The following SPECC1 variants were observed in gnomAD, a reference collection of about 807,000 sequenced individuals.
SPECC1 encodes cytospin-B.
In SPECC1, 62 loss-of-function variants were observed where a neutral mutation model predicts 104.1. The observed-to-expected ratio is 0.60, with a 90% confidence interval of 0.49 to 0.74. The LOEUF is 0.74. Among genes scored for constraint, SPECC1 ranks in the 30% least tolerant of loss-of-function variants. The probability of loss-of-function intolerance (pLI) is 0.00; values close to 1 mark genes in which losing one functional copy is unlikely to be tolerated. For synonymous variants in SPECC1, 513 were observed against 501.6 expected, an observed-to-expected ratio of 1.02 and a Z score of -0.30; for missense variants, 1,306 against 1,310.5, an observed-to-expected ratio of 1.00 and a Z score of 0.05.
At chr17:20,304,962 C>T (rs1007625860) in intron 13 of SPECC1, among the ~76,000 whole-genome samples, 1 of 151,878 alleles carries the variant, frequency 6.6e-6, no homozygotes, top group Non-Finnish European at 1.5e-5. Context: ...TAAGGAAAAC[C>T]CCAAACAAGC....
At chr17:20,194,046 A>G (rs984223857) in intron 3 of SPECC1, among the ~76,000 whole-genome samples, 1 of 152,366 alleles carries the variant, frequency 6.6e-6, no homozygotes, top group Admixed American at 6.5e-5. Flanking sequence ...CATTTTTACG[A>G]AAGACAAATT....
chr17:20,089,841 T>C (rs2047328513), intron 1 of SPECC1, among the ~76,000 whole-genome samples: 1 of 152,034 alleles, frequency 6.6e-6, no homozygotes. Context: ...ATTTGAGAAA[T>C]GGGCGCCCTA....
chr17:20,069,871 G>A (rs2046485665), intron 1 of SPECC1, among the ~76,000 whole-genome samples: 1 of 151,646 alleles, frequency 6.6e-6, no homozygotes, highest in Non-Finnish European at 1.5e-5. Context: ...TATTCTTTTT[G>A]ATACTACTAT....
At chr17:20,201,955 A>T (rs958787336) in intron 3 of SPECC1, among the ~76,000 whole-genome samples, 1 of 152,230 alleles carries the variant, frequency 6.6e-6, no homozygotes, top group Non-Finnish European at 1.5e-5. Flanking sequence ...CAATTGAGAA[A>T]AAGTTACATA....
intron 3 of SPECC1, among the ~76,000 whole-genome samples, chr17:20,124,158 T>G (rs2152539571): frequency 6.6e-6 from 1 of 151,300 alleles, no homozygotes; most frequent in East Asian, 1.9e-4. Context: ...GGTGGGGATG[T>G]GTAGATGGCA....
intron 1 of SPECC1, among the ~76,000 whole-genome samples, chr17:20,094,120 A>G (rs2047534631): frequency 1.3e-5 from 2 of 152,246 alleles, no homozygotes; most frequent in South Asian, 4.1e-4. Flanking sequence ...CTTGCCCAGG[A>G]AAACAATGAT....
chr17:20,090,387 T>C (rs1295187076), intron 1 of SPECC1, among the ~76,000 whole-genome samples: 1 of 152,142 alleles, frequency 6.6e-6, no homozygotes, highest in East Asian at 1.9e-4. Context: ...CCCACACCTT[T>C]GTAAACACTT....
Position 20,316,047 on chromosome 17 carries a change from C to T in SPECC1, c.*1982C>T. On this transcript the variant is annotated 3_prime_UTR_variant, in exon 15 of 15. Transcript: ENST00000395527. ...CAGGCAGCCTGCGGGAGCTCCTGAG[C>T]AGCTGTTGGGCGATGGTCATTACAT... 4.3e-6 allele frequency: 1 copy of T among 232,728 alleles called. No homozygotes were observed. Among genetic ancestry groups the T allele is most frequent in the East Asian group, 6.1e-5 (1 of 16,504 alleles). The allele number at this position is 232,728 out of a possible 1,614,324, so 14.4% of individuals were successfully genotyped here. A position where few individuals can be genotyped will look rare whatever the true frequency, so the allele number is the denominator to read the frequency against.
rs565900585 is a variant in SPECC1 at position 20,093,951 on chromosome 17, G to C, written c.-21-2680G>C. On this transcript the variant is annotated intron_variant, in intron 1 of 14. Coordinates refer to ENST00000395527, the MANE Select transcript of SPECC1 (RefSeq NM_001243439.2). Reference sequence around the variant, plus strand: ...TCACCATGTTGCCCAGGCTGGTCTCGAACTCCTGAGCACAGGCAGTCCATC... The same window carrying C: ...TCACCATGTTGCCCAGGCTGGTCTCCAACTCCTGAGCACAGGCAGTCCATC... 2.6e-5 allele frequency among the ~76,000 whole-genome samples: 4 copies of C among 151,754 alleles called. No individual in the cohort carries two copies. The South Asian group carries it at 6.2e-4, about 24-fold the overall frequency.
rs1414310277 is a variant in SPECC1, at chr17:20,237,665, C to A, written c.2351+5260C>A. ...GTTCATTTCTCTGCTTCCTTTTGAT[C>A]GTGGTGTCTGATCATCTTGGAATTC... On this transcript the variant is annotated intron_variant, in intron 7 of 14. Coordinates refer to ENST00000395527, the MANE Select transcript of SPECC1 (RefSeq NM_001243439.2). 6.1e-5 allele frequency: 12 copies of A among 196,160 alleles called. No individual in the cohort carries two copies. In the East Asian group the frequency reaches 8.7e-4, roughly 14 times the overall value. 12.2% of individuals were successfully genotyped at this position (196,160 alleles called of 1,614,324 possible). A position where few individuals can be genotyped will look rare whatever the true frequency, so the allele number is the denominator to read the frequency against.
At position 20,318,433 on chromosome 17, in the gene SPECC1, G is replaced by GT. The variant is rs2042066405; in HGVS notation, c.*4369dup. Reference sequence around the variant, plus strand: ...TAGAGACCAACCCAAGTAGATGCAGGTGGGTGTTAGATAAAAACACACATC... The same window carrying GT: ...TAGAGACCAACCCAAGTAGATGCAGGTTGGGTGTTAGATAAAAACACACATC... On this transcript the variant is annotated 3_prime_UTR_variant, in exon 15 of 15. Transcript: ENST00000395527. The GT allele has an allele frequency of 1.3e-5, 3 of 231,564 alleles. No homozygotes were observed. The East Asian group carries it at 1.8e-4, about 14-fold the overall frequency. The allele number at this position is 231,564 out of a possible 1,614,324, so 14.3% of individuals were successfully genotyped here. A position where few individuals can be genotyped will look rare whatever the true frequency, so the allele number is the denominator to read the frequency against.
At chr17:20,193,454 A>G (rs1004083594) in intron 3 of SPECC1, among the ~76,000 whole-genome samples, 3 of 152,134 alleles carry the variant, frequency 2.0e-5, no homozygotes, top group Admixed American at 1.3e-4. Context: ...GCTTAATCCT[A>G]AGGGTTGCGG....
chr17:20,128,100 G>T (rs1206086718), intron 3 of SPECC1, among the ~76,000 whole-genome samples: 1 of 152,340 alleles, frequency 6.6e-6, no homozygotes, highest in Admixed American at 6.5e-5. Context: ...ATATCAGTGT[G>T]TAAGTGCTGG....
intron 3 of SPECC1, among the ~76,000 whole-genome samples, chr17:20,203,870 G>C (rs1451339661): frequency 6.6e-6 from 1 of 152,196 alleles, no homozygotes; most frequent in Non-Finnish European, 1.5e-5. Flanking sequence ...GGGTTGATTT[G>C]ATTTAGCAAC....
At chr17:20,237,102 T>C in intron 7 of SPECC1, 1 of 1,402,444 alleles carries the variant, frequency 7.1e-7, no homozygotes, top group East Asian at 2.6e-5. Context: ...AAGATGATGT[T>C]TCCCTCTTTT....
intron 4 of SPECC1, among the ~76,000 whole-genome samples, chr17:20,207,055 G>A (rs1040870827): frequency 6.6e-6 from 1 of 152,192 alleles, no homozygotes; most frequent in African/African-American, 2.4e-5. Flanking sequence ...TGCTGGAGAG[G>A]TGCAGAGAGA....
At chr17:20,112,885 G>C (rs1255724372) in intron 3 of SPECC1, 41 of 1,576,676 alleles carry the variant, frequency 2.6e-5, no homozygotes, top group Non-Finnish European at 3.2e-5. Flanking sequence ...ATTGTGATCT[G>C]TCTGGGTGTG....
chr17:20,253,472 C>T lies in SPECC1; in HGVS notation c.2599-33C>T, dbSNP rs140276598. 13 of 1,609,116 alleles carry T rather than the reference C, an allele frequency of 8.1e-6. No individual in the cohort carries two copies. The East Asian group carries it at 2.9e-4, about 36-fold the overall frequency. Reference sequence around the variant, plus strand: ...TTTGTGCTATTCTTGATGTTATGAGCTCACCGTGCTGGTGTCCCCCTGGTT... The same window carrying T: ...TTTGTGCTATTCTTGATGTTATGAGTTCACCGTGCTGGTGTCCCCCTGGTT... On this transcript the variant is annotated intron_variant, in intron 9 of 14. Transcript: ENST00000395527.
chr17:20,168,955 CT>C (rs1332073110), intron 3 of SPECC1, among the ~76,000 whole-genome samples: 3 of 152,304 alleles, frequency 2.0e-5, no homozygotes, highest in Admixed American at 2.0e-4. Context: ...TCACTGCAAC[CT>C]GTGCCTTCCA....
Sources: allele counts gnomAD v4.1 joint callset (sites outside exome capture counted in the v4.1 genomes callset), GRCh38; gene constraint gnomAD v4.1.1; transcripts MANE v1.5; gene names NCBI Gene and HGNC (gene_info 2026-07-23, HGNC 2026-07-21).